The following SEMA5A variants were observed in gnomAD, a reference collection of about 807,000 sequenced individuals.
The protein encoded by SEMA5A is semaphorin 5A, also known as semaphorin-5A.
A neutral mutation model predicts 135.5 loss-of-function variants in SEMA5A; 55 were observed. That is an observed-to-expected ratio of 0.41 (90% CI 0.33 to 0.51). SEMA5A has a LOEUF of 0.51. SEMA5A is among the 20% of genes least tolerant of loss of function. The pLI is 0.37. For synonymous variants in SEMA5A, 580 were observed against 546.5 expected, an observed-to-expected ratio of 1.06 and a Z score of -0.85; for missense variants, 1,290 against 1,419.9, an observed-to-expected ratio of 0.91 and a Z score of 1.47.
chr5:9,267,113 GCTCT>G (rs1246740033), intron 5 of SEMA5A, among the ~76,000 whole-genome samples: 4 of 151,446 alleles, frequency 2.6e-5, no homozygotes, highest in Non-Finnish European at 5.9e-5. Context: ...CCTTCGAACA[GCTCT>G]CTGAGTCCAC....
chr5:9,424,099 G>T (rs1393258257), intron 2 of SEMA5A, among the ~76,000 whole-genome samples: 2 of 152,046 alleles, frequency 1.3e-5, no homozygotes, highest in Admixed American at 6.6e-5. Context: ...GCCTTACTTT[G>T]CCCAGCACCT....
At chr5:9,419,836 A>G (rs1276073503) in intron 2 of SEMA5A, among the ~76,000 whole-genome samples, 1 of 152,200 alleles carries the variant, frequency 6.6e-6, no homozygotes, top group East Asian at 1.9e-4. Context: ...ATAACCAACA[A>G]AAACAAGTGA....
chr5:9,429,482 G>A (rs554343194), intron 2 of SEMA5A, among the ~76,000 whole-genome samples: 1 of 152,322 alleles, frequency 6.6e-6, no homozygotes, highest in Admixed American at 6.5e-5. Flanking sequence ...AGGGGCAGAA[G>A]TTATGTAAAA....
intron 3 of SEMA5A, among the ~76,000 whole-genome samples, chr5:9,345,455 C>T (rs542447282): frequency 6.7e-6 from 1 of 149,804 alleles, no homozygotes; most frequent in Non-Finnish European, 1.5e-5. Flanking sequence ...TACAATTTCA[C>T]AGATTGGTGG....
chr5:9,389,894 T>G (rs1288352930), intron 2 of SEMA5A, among the ~76,000 whole-genome samples: 2 of 152,188 alleles, frequency 1.3e-5, no homozygotes, highest in Non-Finnish European at 2.9e-5. Flanking sequence ...TGTATCTGCC[T>G]CCTTCTAAAA....
At chr5:9,180,263 T>TA (rs1370605937) in intron 11 of SEMA5A, among the ~76,000 whole-genome samples, 2 of 152,190 alleles carry the variant, frequency 1.3e-5, no homozygotes, top group Non-Finnish European at 2.9e-5. Flanking sequence ...AATTTCAACA[T>TA]ACCTTCTTTG....
rs781068375 is a variant in SEMA5A at position 9,197,153 on chromosome 5, C to T, written c.1068+15G>A. 1 of 1,613,728 alleles carries T rather than the reference C, an allele frequency of 6.2e-7. No individual in the cohort carries two copies. The highest frequency in any genetic ancestry group is 1.3e-5 in the African/African-American group (1 of 74,924). ...GGGGGATGCCAACAGTGCCCCTTTG[C>T]CCCCCGAAAATTACCTGGAAGTGGG... On this transcript the variant is annotated intron_variant, in intron 10 of 22. Coordinates refer to ENST00000382496, the MANE Select transcript of SEMA5A (RefSeq NM_003966.3).
intron 6 of SEMA5A, among the ~76,000 whole-genome samples, chr5:9,230,107 C>A (rs1747538953): frequency 6.6e-6 from 1 of 151,696 alleles, no homozygotes; most frequent in African/African-American, 2.4e-5. Flanking sequence ...ACCTCAGTCT[C>A]CCAAGTAGCT....
chr5:9,358,976 G>A (rs1010830029), intron 3 of SEMA5A, among the ~76,000 whole-genome samples: 1 of 152,150 alleles, frequency 6.6e-6, no homozygotes, highest in African/African-American at 2.4e-5. Context: ...ACAGTAGGAT[G>A]TGGGGCTATG....
At chr5:9,188,284 C>G (rs1360542957) in intron 11 of SEMA5A, among the ~76,000 whole-genome samples, 4 of 152,208 alleles carry the variant, frequency 2.6e-5, no homozygotes, top group African/African-American at 9.7e-5. Flanking sequence ...TTCTAACCTT[C>G]AGAACCATGA....
At chr5:9,503,050 T>C (rs1247740998) in intron 1 of SEMA5A, among the ~76,000 whole-genome samples, 1 of 152,160 alleles carries the variant, frequency 6.6e-6, no homozygotes, top group East Asian at 1.9e-4. Flanking sequence ...AGGGAATACA[T>C]GAATAACTGG....
At chr5:9,461,537 G>A (rs1759056775) in intron 1 of SEMA5A, among the ~76,000 whole-genome samples, 1 of 152,152 alleles carries the variant, frequency 6.6e-6, no homozygotes, top group Admixed American at 6.5e-5. Context: ...CATAGAGAAT[G>A]ATATTTTTCC....
chr5:9,353,189 G>GGGAAAGGAAGGAAAGGAAA (rs1561177294), intron 3 of SEMA5A, among the ~76,000 whole-genome samples: 1 of 16,712 alleles, frequency 6.0e-5, no homozygotes, highest in Non-Finnish European at 1.1e-4. Flanking sequence ...AGGAAGGGAA[G>GGGAAAGGAAGGAAAGGAAA]GGAAAGGAAA....
chr5:9,410,427 C>A (rs1757063008), intron 2 of SEMA5A, among the ~76,000 whole-genome samples: 2 of 152,172 alleles, frequency 1.3e-5, no homozygotes. Flanking sequence ...GGGCATTCAA[C>A]AGTCAATCTC....
At chr5:9,237,182 G>T (rs938095533) in intron 6 of SEMA5A, among the ~76,000 whole-genome samples, 1 of 152,026 alleles carries the variant, frequency 6.6e-6, no homozygotes, top group African/African-American at 2.4e-5. Flanking sequence ...AGCTGCAGAA[G>T]AATTTCCTCA....
At chr5:9,521,248 A>T (rs1404972165) in intron 1 of SEMA5A, among the ~76,000 whole-genome samples, 1 of 152,260 alleles carries the variant, frequency 6.6e-6, no homozygotes, top group South Asian at 2.1e-4. Flanking sequence ...CATCTCTACT[A>T]AAATTTAAAA....
chr5:9,217,743 C>A (rs113623555), intron 8 of SEMA5A, among the ~76,000 whole-genome samples: 1 of 152,272 alleles, frequency 6.6e-6, no homozygotes, highest in African/African-American at 2.4e-5. Context: ...AACCAGTCTT[C>A]AAGCTCTGAG....
chr5:9,301,047 T>TA (rs1561123941), intron 5 of SEMA5A, among the ~76,000 whole-genome samples: 2 of 152,202 alleles, frequency 1.3e-5, no homozygotes, highest in African/African-American at 4.8e-5. Flanking sequence ...AAACAGATAA[T>TA]ATGTTCAGAC....
intron 5 of SEMA5A, chr5:9,265,655 A>G: frequency 2.4e-6 from 1 of 418,966 alleles, no homozygotes; most frequent in Non-Finnish European, 4.8e-6. Context: ...CTCACGAATA[A>G]GACAAACAAA....
Sources: allele counts gnomAD v4.1 joint callset (sites outside exome capture counted in the v4.1 genomes callset), GRCh38; gene constraint gnomAD v4.1.1; transcripts MANE v1.5; gene names NCBI Gene and HGNC (gene_info 2026-07-23, HGNC 2026-07-21).